Variants in FIG4 observed in about 807,000 individuals in gnomAD.
The protein encoded by FIG4 is FIG4 phosphoinositide 5-phosphatase.
In FIG4, 112 loss-of-function variants were observed where a neutral mutation model predicts 118.6. The ratio of observed to expected loss-of-function variants is 0.94; its 90% CI spans 0.81 to 1.11. The LOEUF (loss-of-function observed/expected upper bound fraction) is 1.11, where lower values mean the gene tolerates loss of function less well. FIG4 is among the 50% of genes least tolerant of loss of function. The pLI, the probability that FIG4 is intolerant of heterozygous loss-of-function variation, is 0.00. For missense variants in FIG4, 969 were observed against 1,111.7 expected (o/e 0.87, Z 1.83); for synonymous variants, 369 against 381.2 (o/e 0.97, Z 0.37).
intron 1 of FIG4, among the ~76,000 whole-genome samples, chr6:109,714,149 C>T (rs1292040700): frequency 4.6e-5 from 7 of 152,150 alleles, no homozygotes; most frequent in African/African-American, 1.2e-4. Flanking sequence ...CTGTGATGGT[C>T]AGGGAGTCTC....
At chr6:109,723,386 T>C (rs1477650793) in intron 3 of FIG4, among the ~76,000 whole-genome samples, 1 of 152,220 alleles carries the variant, frequency 6.6e-6, no homozygotes, top group Non-Finnish European at 1.5e-5. Context: ...GCTCTTTCTT[T>C]AGTCACCAAT....
At chr6:109,815,495 G>GCCCCCC (rs112617514) in intron 22 of FIG4, among the ~76,000 whole-genome samples, 28 of 89,160 alleles carry the variant, frequency 3.1e-4, no homozygotes, top group African/African-American at 9.0e-4. Context: ...ACTCCAGGCT[G>GCCCCCC]CCCCCCCCAC....
chr6:109,755,722 G>T (rs889979051), intron 10 of FIG4, among the ~76,000 whole-genome samples: 1 of 152,044 alleles, frequency 6.6e-6, no homozygotes, highest in Non-Finnish European at 1.5e-5. Context: ...ATCTTTGTTG[G>T]TTTCAAATCT....
intron 1 of FIG4, among the ~76,000 whole-genome samples, chr6:109,710,118 A>T (rs6936853): frequency 0.79 from 119,707 of 152,012 alleles, 47,282 homozygotes; most frequent in African/African-American, 0.86. Flanking sequence ...GTTTTTATTA[A>T]TTTGAGGTAT....
intron 20 of FIG4, among the ~76,000 whole-genome samples, chr6:109,792,214 T>C (rs1049322178): frequency 2.0e-5 from 3 of 152,366 alleles, no homozygotes; most frequent in Admixed American, 2.0e-4. Context: ...GTTTACTCAT[T>C]GTATGTGACT....
Position 109,741,448 on chromosome 6 carries a change from G to A in FIG4, c.780G>A (p.Leu260=). Residue 260 remains leucine, a synonymous_variant, in exon 8 of 23, where the codon CTG becomes CTA. Transcript: ENST00000230124. ...AACCTTAACTTGATTTCCAAGAGCTGTTGATCTATGGACGACCAGTGTATG... is the reference window on the plus strand; with the variant it reads ...AACCTTAACTTGATTTCCAAGAGCTATTGATCTATGGACGACCAGTGTATG... ...IIHGFCGQSK[L]LIYGRPVYVT... 1.2e-6 allele frequency: 2 copies of A among 1,607,356 alleles called. No individual in the cohort carries two copies. The highest frequency in any genetic ancestry group is 1.7e-6 in the Non-Finnish European group (2 of 1,174,046).
intron 1 of FIG4, among the ~76,000 whole-genome samples, chr6:109,696,319 G>T (rs924949478): frequency 3.3e-5 from 5 of 152,000 alleles, no homozygotes; most frequent in Admixed American, 2.0e-4. Context: ...GTTTATTTTG[G>T]TGCAAAAAAA....
At chr6:109,737,288 C>T (rs756853890) in intron 6 of FIG4, among the ~76,000 whole-genome samples, 3 of 152,128 alleles carry the variant, frequency 2.0e-5, no homozygotes, top group Non-Finnish European at 4.4e-5. Context: ...ATCTTTACTG[C>T]ATGTCAGGTA....
chr6:109,808,302 C>T (rs532230461), intron 22 of FIG4, among the ~76,000 whole-genome samples: 1 of 119,924 alleles, frequency 8.3e-6, no homozygotes, highest in East Asian at 2.7e-4. Context: ...GCAGTGGCAC[C>T]AAAGTATATT....
chr6:109,795,078 G>GCTTCATACA (rs1217458319), intron 21 of FIG4, among the ~76,000 whole-genome samples: 2 of 131,266 alleles, frequency 1.5e-5, no homozygotes, highest in Non-Finnish European at 3.1e-5. Flanking sequence ...CTTCCTCAAA[G>GCTTCATACA]CTTCATACAC....
intron 18 of FIG4, among the ~76,000 whole-genome samples, chr6:109,787,629 G>A (rs1264628031): frequency 6.6e-6 from 1 of 152,152 alleles, no homozygotes; most frequent in Non-Finnish European, 1.5e-5. Context: ...ATTATTTAAG[G>A]ACCTGCTGTA....
chr6:109,811,096 C>T (rs1000059274), intron 22 of FIG4, among the ~76,000 whole-genome samples: 5 of 152,112 alleles, frequency 3.3e-5, no homozygotes, highest in African/African-American at 1.2e-4. Flanking sequence ...ATGTCACGTG[C>T]AGTGCTGAGA....
At chr6:109,760,090 T>C (rs763978050) in intron 10 of FIG4, among the ~76,000 whole-genome samples, 160 bp from the exon 11 acceptor site, 1 of 152,242 alleles carries the variant, frequency 6.6e-6, no homozygotes, top group Admixed American at 6.5e-5. Flanking sequence ...ATTTATTTCT[T>C]TGTGTTTTTA....
chr6:109,825,357 C>T lies in FIG4; in HGVS notation c.*92C>T, dbSNP rs1234915139. On this transcript the variant is annotated 3_prime_UTR_variant, in exon 23 of 23. Transcript: ENST00000230124. Reference sequence around the variant, plus strand: ...AAGGTAACTTATTAAAAGTCCTTTGCGTCTGAAGCCTTTCTCCTTTTCTGT... The same window carrying T: ...AAGGTAACTTATTAAAAGTCCTTTGTGTCTGAAGCCTTTCTCCTTTTCTGT... 5 of 1,175,092 alleles carry T rather than the reference C, an allele frequency of 4.3e-6. No individual in the cohort carries two copies. The highest frequency in any genetic ancestry group is 2.5e-5 in the East Asian group (1 of 40,510). The allele number at this position is 1,175,092 out of a possible 1,614,324, so 72.8% of individuals were successfully genotyped here.
At chr6:109,693,641 G>A (rs1012153831) in intron 1 of FIG4, among the ~76,000 whole-genome samples, 6 of 152,142 alleles carry the variant, frequency 3.9e-5, no homozygotes, top group African/African-American at 1.4e-4. Context: ...TCAGAGTACT[G>A]CCAAAAACAG....
rs200102978 is a variant in FIG4, at chr6:109,770,359, GTA to G, written c.1750+3472_1750+3473del. On this transcript the variant is annotated intron_variant, in intron 15 of 22. Transcript: ENST00000230124. ...CTGCTGTATATACGTGTGTGTGTGT[GTA>G]TATATATGCCTAACATAAATATGTA... Among the ~76,000 whole-genome samples the G allele has an allele frequency of 5.2e-3, 765 of 148,302 alleles. 6 individuals carry two copies. The highest frequency in any genetic ancestry group is 0.019 in the African/African-American group (729 of 37,854).
rs1444221269 is a variant in FIG4 at position 109,755,191 on chromosome 6, T to C, written c.1138-5059T>C. Among the ~76,000 whole-genome samples, 22 of 152,374 alleles carry C rather than the reference T, an allele frequency of 1.4e-4. No homozygotes were observed. The East Asian group carries it at 3.9e-3, about 27-fold the overall frequency. ...CTTTATTTCTGCCTTCATTTCGTTA[T>C]GTACCCAGTAGTCATTCAGGAGCTG... On this transcript the variant is annotated intron_variant, in intron 10 of 22. Transcript: ENST00000230124.
intron 4 of FIG4, 136 bp downstream of exon 4, chr6:109,727,401 T>A (rs1440052109): frequency 1.3e-5 from 9 of 712,890 alleles, no homozygotes; most frequent in East Asian, 2.6e-5. Flanking sequence ...TACTTTTTTT[T>A]AATGTCGTAG....
At chr6:109,758,955 A>T (rs1171760000) in intron 10 of FIG4, among the ~76,000 whole-genome samples, 1 of 152,220 alleles carries the variant, frequency 6.6e-6, no homozygotes, top group Admixed American at 6.5e-5. Context: ...GAAACAACAG[A>T]TGCTGGAGAG....
Sources: gnomAD v4.1 joint callset for allele counts (sites outside exome capture counted in the v4.1 genomes callset) on GRCh38, gnomAD v4.1.1 for gene constraint, MANE v1.5 for transcripts, NCBI Gene and HGNC (gene_info 2026-07-23, HGNC 2026-07-21) for gene names.